Variants in KANK1 observed in about 807,000 individuals in gnomAD.
KANK1 encodes KN motif and ankyrin repeat domain-containing protein 1.
Under a neutral mutation model 106.2 loss-of-function variants are expected in KANK1, and 109 were observed. That is an observed-to-expected ratio of 1.03 (90% CI 0.88 to 1.20). KANK1 has a LOEUF of 1.20. Among genes scored for constraint, KANK1 ranks in the 50% most tolerant of loss-of-function variants. The probability of loss-of-function intolerance (pLI) is 0.00; values close to 1 mark genes in which losing one functional copy is unlikely to be tolerated. For missense variants in KANK1, 2,399 were observed against 1,710.7 expected (o/e 1.40, Z -7.10); for synonymous variants, 873 against 652.2 (o/e 1.34, Z -5.16).
At chr9:730,443 G>C (rs1226274070) in intron 4 of KANK1, 195 bp downstream of exon 4, 1 of 611,144 alleles carries the variant, frequency 1.6e-6, no homozygotes, top group Non-Finnish European at 2.8e-6. Flanking sequence ...TGTGATCCCA[G>C]CACTTTGGGA....
chr9:640,865 T>A (rs986943777), intron 1 of KANK1, among the ~76,000 whole-genome samples: 2 of 151,744 alleles, frequency 1.3e-5, no homozygotes, highest in African/African-American at 4.9e-5. Context: ...CCCAGCTAAT[T>A]TTTTGTATTT....
chr9:512,228 A>G (rs927008525), intron 1 of KANK1, among the ~76,000 whole-genome samples: 1 of 123,304 alleles, frequency 8.1e-6, no homozygotes, highest in Non-Finnish European at 1.6e-5. Context: ...AACATAACCA[A>G]TAGTGTGTGT....
chr9:710,625 AAAAAC>A (rs1267096844), intron 2 of KANK1, among the ~76,000 whole-genome samples, 174 bp from the exon 3 acceptor site: 2 of 128,672 alleles, frequency 1.6e-5, no homozygotes, highest in Admixed American at 7.3e-5. Context: ...CAAAAAAAAA[AAAAAC>A]AAAAAAAAAC....
chr9:476,118 T>C (rs988323465), intron 3 of KANK1, among the ~76,000 whole-genome samples: 1 of 147,228 alleles, frequency 6.8e-6, no homozygotes, highest in Non-Finnish European at 1.5e-5. Flanking sequence ...CACTCCAGCC[T>C]GGGCAACAAG....
intron 1 of KANK1, among the ~76,000 whole-genome samples, chr9:612,613 A>G (rs1306876710): frequency 6.6e-6 from 1 of 152,224 alleles, no homozygotes; most frequent in Non-Finnish European, 1.5e-5. Flanking sequence ...TCAACTATCT[A>G]GGAATGGGAC....
intron 1 of KANK1, among the ~76,000 whole-genome samples, chr9:507,840 G>A (rs2058836942): frequency 6.6e-6 from 1 of 152,080 alleles, no homozygotes; most frequent in South Asian, 2.1e-4. Context: ...ACAGGTGTGA[G>A]CCACCATGCC....
chr9:697,450 C>T (rs947755776), intron 2 of KANK1, among the ~76,000 whole-genome samples: 11 of 152,100 alleles, frequency 7.2e-5, no homozygotes, highest in African/African-American at 2.7e-4. Flanking sequence ...GCTCCTGGCA[C>T]ATGACTTTGC....
At chr9:606,240 AT>A (rs1324098285) in intron 1 of KANK1, among the ~76,000 whole-genome samples, 1 of 151,042 alleles carries the variant, frequency 6.6e-6, no homozygotes, top group Non-Finnish European at 1.5e-5. Flanking sequence ...AATATGTAAA[AT>A]TTTAAAAATA....
chr9:561,548 G>T (rs1018677622), intron 1 of KANK1, among the ~76,000 whole-genome samples: 1 of 152,176 alleles, frequency 6.6e-6, no homozygotes, highest in Non-Finnish European at 1.5e-5. Context: ...ATTCTTAGCA[G>T]CAGGACAGCT....
At chr9:721,004 G>A (rs1036197569) in intron 3 of KANK1, among the ~76,000 whole-genome samples, 2 of 152,146 alleles carry the variant, frequency 1.3e-5, no homozygotes, top group Non-Finnish European at 2.9e-5. Context: ...ATTTAATTCA[G>A]TGGATCTCAA....
At position 676,920 on chromosome 9, in the gene KANK1, A is replaced by T. The variant is rs1173560479; in HGVS notation, c.-53A>T. The T allele has an allele frequency of 6.6e-7, 1 of 1,506,670 alleles. No individual in the cohort carries two copies. The highest frequency in any genetic ancestry group is 9.2e-7 in the Non-Finnish European group (1 of 1,090,364). The allele number at this position is 1,506,670 out of a possible 1,614,324, so 93.3% of individuals were successfully genotyped here. Reference sequence around the variant, plus strand: ...ATGCCTTTGAGAACTTGATGCATAAAATTTGCATGACTCCTCACTCCTTTC... The same window carrying T: ...ATGCCTTTGAGAACTTGATGCATAATATTTGCATGACTCCTCACTCCTTTC... On this transcript the variant is annotated 5_prime_UTR_variant, in exon 2 of 12. Coordinates refer to ENST00000382297, the MANE Select transcript of KANK1 (RefSeq NM_015158.5).
rs543404215 is a variant in KANK1, at chr9:743,035, A to AG, written c.3897+635dup. Among the ~76,000 whole-genome samples, 5 of 152,214 alleles carry AG rather than the reference A, an allele frequency of 3.3e-5. No homozygotes were observed. The South Asian group carries it at 8.3e-4, about 25-fold the overall frequency. ...CTCCTTGACCGGGAAACTCAACCAA[A>AG]GGGGGTACTTTTGCGTGTCTCTAGG... On this transcript the variant is annotated intron_variant, in intron 10 of 11. Coordinates refer to ENST00000382297, the MANE Select transcript of KANK1 (RefSeq NM_015158.5).
At chr9:618,921 A>G (rs1324286418) in intron 1 of KANK1, among the ~76,000 whole-genome samples, 4 of 152,230 alleles carry the variant, frequency 2.6e-5, no homozygotes. Context: ...CTTGTCAAAG[A>G]AGAAAAATAG....
intron 1 of KANK1, among the ~76,000 whole-genome samples, chr9:567,386 C>G (rs990834654): frequency 3.9e-5 from 6 of 152,194 alleles, no homozygotes; most frequent in Admixed American, 2.0e-4. Context: ...ATTAGCTTTA[C>G]AAAGTTGATT....
intron 1 of KANK1, among the ~76,000 whole-genome samples, chr9:554,658 TC>T (rs2061475203): frequency 6.6e-6 from 1 of 152,186 alleles, no homozygotes; most frequent in Non-Finnish European, 1.5e-5. Flanking sequence ...AAATGAATCT[TC>T]CATCAACTGT....
At chr9:658,527 GCTCT>G in intron 1 of KANK1, among the ~76,000 whole-genome samples, 1 of 151,852 alleles carries the variant, frequency 6.6e-6, no homozygotes, top group South Asian at 2.1e-4. Flanking sequence ...TATTTCTATG[GCTCT>G]TACTTTTGGT....
intron 3 of KANK1, among the ~76,000 whole-genome samples, chr9:483,367 TA>T (rs1206892908): frequency 9.9e-5 from 15 of 152,144 alleles, no homozygotes; most frequent in Non-Finnish European, 1.9e-4. Flanking sequence ...GATTTAGATT[TA>T]ACTGGTTTTG....
At chr9:607,721 C>T (rs1354802302) in intron 1 of KANK1, among the ~76,000 whole-genome samples, 5 of 151,592 alleles carry the variant, frequency 3.3e-5, no homozygotes, top group Non-Finnish European at 5.9e-5. Context: ...CTGTAAGAAC[C>T]TCTGTAGTTT....
At chr9:597,208 C>A in intron 1 of KANK1, among the ~76,000 whole-genome samples, 1 of 151,672 alleles carries the variant, frequency 6.6e-6, no homozygotes, top group Non-Finnish European at 1.5e-5. Context: ...GTACTTGAGT[C>A]CCTGTTTTCA....
Sources: gnomAD v4.1 joint callset for allele counts (sites outside exome capture counted in the v4.1 genomes callset) on GRCh38, gnomAD v4.1.1 for gene constraint, MANE v1.5 for transcripts, NCBI Gene and HGNC (gene_info 2026-07-23, HGNC 2026-07-21) for gene names.